Variants in EYA4 observed in about 807,000 individuals in gnomAD.
The protein encoded by EYA4 is protein phosphatase EYA4.
A neutral mutation model predicts 87.9 loss-of-function variants in EYA4; 31 were observed. The ratio of observed to expected loss-of-function variants is 0.35; its 90% CI spans 0.27 to 0.48. The LOEUF is 0.48. Among genes scored for constraint, EYA4 ranks in the 20% least tolerant of loss-of-function variants. The pLI, the probability that EYA4 is intolerant of heterozygous loss-of-function variation, is 0.99. For missense variants in EYA4, 678 were observed against 761.4 expected, an observed-to-expected ratio of 0.89 and a Z score of 1.29; for synonymous variants, 263 against 270.6, an observed-to-expected ratio of 0.97 and a Z score of 0.28.
intron 3 of EYA4, among the ~76,000 whole-genome samples, chr6:133,388,331 TGG>T (rs925672332): frequency 6.8e-6 from 1 of 147,370 alleles, no homozygotes; most frequent in Non-Finnish European, 1.5e-5. Flanking sequence ...CGCTTGAACC[TGG>T]GGGGCGGAGG....
intron 1 of EYA4, among the ~76,000 whole-genome samples, chr6:133,262,957 C>T (rs1775916568): frequency 6.6e-6 from 1 of 152,036 alleles, no homozygotes; most frequent in African/African-American, 2.4e-5. Flanking sequence ...GTGCATAGTC[C>T]AAGAATGTGC....
At chr6:133,361,708 A>T (rs1188128752) in intron 2 of EYA4, among the ~76,000 whole-genome samples, 1 of 152,226 alleles carries the variant, frequency 6.6e-6, no homozygotes, top group Non-Finnish European at 1.5e-5. Context: ...GAATCCATGG[A>T]CATCATTAGT....
intron 2 of EYA4, among the ~76,000 whole-genome samples, chr6:133,278,256 A>G (rs887315931): frequency 6.6e-6 from 1 of 152,108 alleles, no homozygotes; most frequent in African/African-American, 2.4e-5. Context: ...TTAGGTTTCC[A>G]TCCCTCTGAG....
At chr6:133,478,485 G>A (rs188880516) in intron 11 of EYA4, among the ~76,000 whole-genome samples, 14 of 152,142 alleles carry the variant, frequency 9.2e-5, no homozygotes, top group Admixed American at 2.0e-4. Flanking sequence ...GCCACATTAA[G>A]GAAAGGACAA....
chr6:133,393,377 G>C (rs113371205), intron 3 of EYA4, among the ~76,000 whole-genome samples: 1 of 152,076 alleles, frequency 6.6e-6, no homozygotes, highest in South Asian at 2.1e-4. Context: ...GAGCATACAT[G>C]GTAAAGGAGT....
intron 2 of EYA4, among the ~76,000 whole-genome samples, chr6:133,306,407 G>T (rs1779814186): frequency 1.3e-5 from 2 of 152,156 alleles, no homozygotes; most frequent in South Asian, 4.1e-4. Context: ...CCAGTAACTG[G>T]TAGAGCCAGT....
chr6:133,310,360 C>G (rs992346376), intron 2 of EYA4, among the ~76,000 whole-genome samples: 1 of 152,160 alleles, frequency 6.6e-6, no homozygotes, highest in Non-Finnish European at 1.5e-5. Context: ...TCATTTATCT[C>G]CCACCAATAT....
Position 133,529,768 on chromosome 6 carries a change from T to C in EYA4, c.*963T>C, listed in dbSNP as rs754758889. The C allele has an allele frequency of 4.1e-6, 4 of 985,100 alleles. No homozygotes were observed. Among genetic ancestry groups the C allele is most frequent in the Non-Finnish European group, 4.8e-6 (4 of 829,670 alleles). The allele number at this position is 985,100 out of a possible 1,614,324, so 61.0% of individuals were successfully genotyped here. ...TGGGAAAGACTGTGGGACCTTTACTTAGAAAGTGAAATGTATGTAGAAGTC... is the reference window on the plus strand; with the variant it reads ...TGGGAAAGACTGTGGGACCTTTACTCAGAAAGTGAAATGTATGTAGAAGTC... On this transcript the variant is annotated 3_prime_UTR_variant, in exon 20 of 20. Coordinates refer to ENST00000355286, the MANE Select transcript of EYA4 (RefSeq NM_004100.5).
At chr6:133,462,109 G>A (rs1794446034) in intron 7 of EYA4, 2 of 572,836 alleles carry the variant, frequency 3.5e-6, no homozygotes, top group Middle Eastern at 4.9e-4. Flanking sequence ...TACAGGTGTG[G>A]TATAGACATA....
rs1799185659 is a variant in EYA4, at chr6:133,511,960, G to A, written c.1282-761G>A. ...CGCGCCACTGCACTCCAACCTGGGC[G>A]ACTAAGTGAGATTCCATATAAAAAA... On this transcript the variant is annotated intron_variant, in intron 14 of 19. Coordinates refer to ENST00000355286, the MANE Select transcript of EYA4 (RefSeq NM_004100.5). Among the ~76,000 whole-genome samples the A allele has an allele frequency of 2.7e-5, 4 of 149,130 alleles. No individual in the cohort carries two copies. In the South Asian group the frequency reaches 6.3e-4, roughly 24 times the overall value.
chr6:133,481,751 T>A, intron 12 of EYA4, 152 bp downstream of exon 12: 1 of 801,446 alleles, frequency 1.2e-6, no homozygotes, highest in Admixed American at 2.1e-5. Flanking sequence ...ATTTTACAAC[T>A]CTGAAGTTTG....
intron 2 of EYA4, among the ~76,000 whole-genome samples, chr6:133,359,603 T>C (rs776132946): frequency 9.8e-5 from 15 of 152,316 alleles, no homozygotes; most frequent in Non-Finnish European, 2.1e-4. Context: ...TGAGAGCCCA[T>C]TGGATTGTTG....
At position 133,525,191 on chromosome 6, in the gene EYA4, T is replaced by G; in HGVS notation, c.1776T>G (p.Phe592Leu). 6.2e-7 allele frequency: 1 copy of G among 1,613,774 alleles called. No homozygotes were observed. Among genetic ancestry groups the G allele is most frequent in the African/African-American group, 1.3e-5 (1 of 75,012 alleles). ...GCTTTGAACGAATAATGCAAAGGTT[T>G]GGCAGAAAAGTAGTGTATGTTGTAA... ...ESCFERIMQR[F>L]GRKVVYVVIG... The change falls in exon 19 of 20, where the codon TTT becomes TTG. Residue 592 changes from phenylalanine to leucine, a missense_variant. Phe to Leu is a conservative substitution (Grantham distance 22, BLOSUM62 0). Transcript: ENST00000355286.
chr6:133,292,248 A>G (rs1778548130), intron 2 of EYA4, among the ~76,000 whole-genome samples: 1 of 152,190 alleles, frequency 6.6e-6, no homozygotes, highest in Admixed American at 6.6e-5. Flanking sequence ...CACTCATGAT[A>G]ATTTCAGGTT....
chr6:133,290,502 T>C (rs1277307433), intron 2 of EYA4, among the ~76,000 whole-genome samples: 1 of 152,210 alleles, frequency 6.6e-6, no homozygotes, highest in Admixed American at 6.5e-5. Context: ...TTCAATCTGC[T>C]AATGTGAAGA....
At chr6:133,385,374 G>T (rs1786632850) in intron 3 of EYA4, among the ~76,000 whole-genome samples, 1 of 146,478 alleles carries the variant, frequency 6.8e-6, no homozygotes, top group Non-Finnish European at 1.5e-5. Flanking sequence ...TCCTCTGTGT[G>T]TGTATGTATG....
chr6:133,305,241 G>A (rs901053988), intron 2 of EYA4, among the ~76,000 whole-genome samples: 1 of 152,078 alleles, frequency 6.6e-6, no homozygotes, highest in Non-Finnish European at 1.5e-5. Flanking sequence ...AGAGTTTGTA[G>A]GTCTTTATTG....
At chr6:133,271,488 G>A (rs1562230159) in intron 1 of EYA4, among the ~76,000 whole-genome samples, 1 of 152,218 alleles carries the variant, frequency 6.6e-6, no homozygotes, top group Non-Finnish European at 1.5e-5. Context: ...TGCAGAATAG[G>A]CAGACCCATA....
intron 2 of EYA4, among the ~76,000 whole-genome samples, chr6:133,381,069 T>C (rs1786168004): frequency 7.7e-6 from 1 of 129,124 alleles, no homozygotes; most frequent in Non-Finnish European, 1.6e-5. Context: ...AAACCGTTTT[T>C]TTTTTCTTTT....
Sources: allele counts gnomAD v4.1 joint callset (sites outside exome capture counted in the v4.1 genomes callset), GRCh38; gene constraint gnomAD v4.1.1; transcripts MANE v1.5; gene names NCBI Gene and HGNC (gene_info 2026-07-23, HGNC 2026-07-21).